The following CEP85L variants were observed in gnomAD, a reference collection of about 807,000 sequenced individuals.
CEP85L encodes the protein centrosomal protein 85L, also known as centrosomal protein of 85 kDa-like.
In CEP85L, 60 loss-of-function variants were observed where a neutral mutation model predicts 100.3. The observed-to-expected ratio is 0.60, with a 90% CI of 0.49 to 0.74. The LOEUF (loss-of-function observed/expected upper bound fraction) is 0.74. Among genes scored for constraint, CEP85L ranks in the 30% least tolerant of loss-of-function variants. CEP85L has a pLI of 0.00. For synonymous variants in CEP85L, 319 were observed against 322.7 expected (o/e 0.99, Z 0.12); for missense variants, 973 against 936.2 (o/e 1.04, Z -0.51).
At chr6:118,530,268 C>CA (rs1403655505) in intron 3 of CEP85L, among the ~76,000 whole-genome samples, 1 of 149,234 alleles carries the variant, frequency 6.7e-6, no homozygotes, top group Non-Finnish European at 1.5e-5. Flanking sequence ...TCACAGCCTG[C>CA]AAACTAAAAC....
At chr6:118,539,803 T>A (rs538436313) in intron 3 of CEP85L, among the ~76,000 whole-genome samples, 3 of 152,296 alleles carry the variant, frequency 2.0e-5, no homozygotes, top group African/African-American at 7.2e-5. Context: ...AGAGGGAGCA[T>A]GCTTTTACTT....
At chr6:118,520,812 G>A (rs1440616469) in intron 4 of CEP85L, among the ~76,000 whole-genome samples, 5 of 152,136 alleles carry the variant, frequency 3.3e-5, no homozygotes, top group African/African-American at 9.7e-5. Context: ...TAAGGAGATC[G>A]AAATGCAAAA....
At chr6:118,569,341 CAAAAAAAAAAAA>C (rs56123225) in intron 2 of CEP85L, among the ~76,000 whole-genome samples, 26 of 68,216 alleles carry the variant, frequency 3.8e-4, no homozygotes, top group East Asian at 2.3e-3. Flanking sequence ...GACTCTGTCT[CAAAAAAAAAAAA>C]AAAAAAAAAA....
chr6:118,625,217 T>C (rs577298423), intron 2 of CEP85L, among the ~76,000 whole-genome samples: 9 of 152,390 alleles, frequency 5.9e-5, no homozygotes, highest in African/African-American at 2.2e-4. Flanking sequence ...AGGTTTCACC[T>C]GTCTAACTCC....
At chr6:118,655,349 G>A (rs899839107), upstream of CEP85L, among the ~76,000 whole-genome samples, 3 of 152,200 alleles carry the variant, frequency 2.0e-5, no homozygotes, top group African/African-American at 7.2e-5. Flanking sequence ...GTGTGGGAGG[G>A]ATAGAATTCT....
intron 12 of CEP85L, among the ~76,000 whole-genome samples, 200 bp downstream of exon 12, chr6:118,468,872 C>A (rs1176280666): frequency 6.6e-6 from 1 of 152,154 alleles, no homozygotes; most frequent in Non-Finnish European, 1.5e-5. Context: ...AGGCATTCTA[C>A]CAAGTGGCAG....
chr6:118,519,976 G>A (rs962930163), intron 4 of CEP85L, among the ~76,000 whole-genome samples: 20 of 152,014 alleles, frequency 1.3e-4, no homozygotes, highest in African/African-American at 3.9e-4. Context: ...ATAACCAAGC[G>A]GGTATATCCC....
chr6:118,501,809 TGAGAGAGA>T (rs35783390), intron 5 of CEP85L: 167 of 1,064,054 alleles, frequency 1.6e-4, no homozygotes, highest in South Asian at 3.2e-4. Flanking sequence ...GGCTGCTGGC[TGAGAGAGA>T]GAGAGAGAGA....
intron 7 of CEP85L, among the ~76,000 whole-genome samples, chr6:118,483,254 A>G (rs1285618407): frequency 6.6e-6 from 1 of 152,146 alleles, no homozygotes; most frequent in African/African-American, 2.4e-5. Flanking sequence ...TAAATAAAAG[A>G]AAAAGTCAGA....
In CEP85L at chr6:118,566,164, G is replaced by A; in HGVS notation, c.385C>T (p.Leu129Phe). 2 of 1,614,128 alleles carry A rather than the reference G, an allele frequency of 1.2e-6. No homozygotes were observed. Among genetic ancestry groups the A allele is most frequent in the Non-Finnish European group, 1.7e-6 (2 of 1,180,014 alleles). Residue 129 changes from leucine to phenylalanine, a missense_variant, in exon 3 of 13, where the codon CTC becomes TTC. Around this residue, in one of 3 missense-constraint regions of CEP85L, gnomAD observed 890 missense variants for 844.5 expected, o/e 1.05. Coordinates refer to ENST00000368491, the MANE Select transcript of CEP85L (RefSeq NM_001042475.3). ...TPDGSKWSTS[L>F]MQTLGNHSRG... is the part of the protein sequence containing the mutation. ...CTGTGGTTTCCCAATGTTTGCATGA[G>A]GCTTGTACTCCATTTTGAGCCATCT...
At chr6:118,564,708 C>T (rs1200150142) in intron 3 of CEP85L, among the ~76,000 whole-genome samples, 4 of 151,634 alleles carry the variant, frequency 2.6e-5, no homozygotes, top group Non-Finnish European at 4.4e-5. Context: ...ACCAATTTTA[C>T]ATTTTTACTC....
intron 2 of CEP85L, among the ~76,000 whole-genome samples, chr6:118,631,578 T>G (rs969752468): frequency 2.6e-5 from 4 of 152,218 alleles, no homozygotes; most frequent in African/African-American, 9.6e-5. Context: ...CAAATGTTTT[T>G]CAATAGGTAA....
intron 1 of CEP85L, among the ~76,000 whole-genome samples, chr6:118,707,969 T>C (rs1317158823): frequency 5.1e-5 from 2 of 39,524 alleles, no homozygotes; most frequent in Non-Finnish European, 9.5e-5. Flanking sequence ...AGTTGCTTTT[T>C]TGGGGGGGGG....
At chr6:118,680,546 G>A (rs1776624411) in intron 1 of CEP85L, among the ~76,000 whole-genome samples, 1 of 151,960 alleles carries the variant, frequency 6.6e-6, no homozygotes, top group African/African-American at 2.4e-5. Context: ...TTTCTAACCA[G>A]CTGGGTTTCT....
In CEP85L at chr6:118,694,607, A is replaced by ATC. The variant is rs1204935324; in HGVS notation, c.-28+15427_-28+15428dup. 2.0e-5 allele frequency among the ~76,000 whole-genome samples: 3 copies of ATC among 152,216 alleles called. No homozygotes were observed. The East Asian group carries it at 5.8e-4, about 29-fold the overall frequency. ...GAAATTTGTGTCTAAAACCCCTACA[A>ATC]TCTCTCTCTCGAGGTATAAAGTAAA... On this transcript the variant is annotated intron_variant, in intron 1 of 13. Transcript: ENST00000368488.
At chr6:118,698,023 G>A (rs1047534279) in intron 1 of CEP85L, among the ~76,000 whole-genome samples, 1 of 152,138 alleles carries the variant, frequency 6.6e-6, no homozygotes, top group Non-Finnish European at 1.5e-5. Context: ...TGGTCCCACT[G>A]GGTCCTAAGG....
intron 5 of CEP85L, among the ~76,000 whole-genome samples, chr6:118,492,942 T>C (rs75043487): frequency 0.029 from 4,467 of 152,256 alleles, 110 homozygotes; most frequent in African/African-American, 0.056. Flanking sequence ...GCATTTATCA[T>C]GTCCAGGCTA....
chr6:118,494,449 G>C (rs1297068001), intron 5 of CEP85L, among the ~76,000 whole-genome samples: 1 of 152,196 alleles, frequency 6.6e-6, no homozygotes, highest in Non-Finnish European at 1.5e-5. Flanking sequence ...GCTTAACGTA[G>C]TTGGGGTAAA....
intron 3 of CEP85L, among the ~76,000 whole-genome samples, chr6:118,532,991 G>A (rs2114836231): frequency 6.6e-6 from 1 of 152,184 alleles, no homozygotes; most frequent in South Asian, 2.1e-4. Flanking sequence ...TTTTAAGGAA[G>A]CAGGTAAAGC....
Sources: allele counts gnomAD v4.1 joint callset (sites outside exome capture counted in the v4.1 genomes callset), GRCh38; gene constraint gnomAD v4.1.1; regional missense constraint gnomAD v4.1.1; transcripts MANE v1.5; gene names NCBI Gene and HGNC (gene_info 2026-07-23, HGNC 2026-07-21).